Variants in SAMMSON observed in about 807,000 individuals in gnomAD.
The protein encoded by SAMMSON is survival associated mitochondrial melanoma specific oncogenic non-coding RNA.
At chr3:70,153,828 C>T (rs1200656579) in intron 4 of SAMMSON, among the ~76,000 whole-genome samples, 1 of 151,958 alleles carries the variant, frequency 6.6e-6, no homozygotes, top group Non-Finnish European at 1.5e-5. Flanking sequence ...CAAACTGAAA[C>T]GCTGTACCCA....
intron 2 of SAMMSON, among the ~76,000 whole-genome samples, chr3:70,419,593 A>C (rs1701295436): frequency 6.6e-6 from 1 of 152,186 alleles, no homozygotes; most frequent in Admixed American, 6.5e-5. Flanking sequence ...AAATAAAAAC[A>C]GACTCCCAAA....
chr3:70,107,931 C>G (rs922725821), intron 4 of SAMMSON, among the ~76,000 whole-genome samples: 5 of 152,074 alleles, frequency 3.3e-5, no homozygotes, highest in Non-Finnish European at 7.4e-5. Context: ...CCTGGATCAT[C>G]AGTTTCATTC....
chr3:70,387,396 A>G (rs74595277), intron 9 of SAMMSON, among the ~76,000 whole-genome samples: 3,192 of 152,180 alleles, frequency 0.021, 104 homozygotes, highest in East Asian at 0.12. Context: ...AATGCCTGCA[A>G]TGATGGTGTT....
chr3:70,318,412 C>G (rs75924815), intron 7 of SAMMSON, among the ~76,000 whole-genome samples: 9,703 of 151,862 alleles, frequency 0.064, 411 homozygotes, highest in Non-Finnish European at 0.083. Context: ...ATTAAGGCAA[C>G]CTGGCATAGT....
intron 7 of SAMMSON, among the ~76,000 whole-genome samples, chr3:70,320,988 A>G (rs1702534803): frequency 1.3e-5 from 2 of 152,074 alleles, no homozygotes; most frequent in African/African-American, 2.4e-5. Context: ...TAATGAAAGT[A>G]AAGAGCTTGG....
chr3:70,193,590 C>A (rs965253006), intron 4 of SAMMSON, among the ~76,000 whole-genome samples: 4 of 152,258 alleles, frequency 2.6e-5, no homozygotes, highest in Middle Eastern at 3.4e-3. Flanking sequence ...ACACAGCTCA[C>A]CTGACGATAC....
intron 4 of SAMMSON, among the ~76,000 whole-genome samples, chr3:70,203,208 C>T (rs1187697539): frequency 6.6e-6 from 1 of 152,030 alleles, no homozygotes; most frequent in Middle Eastern, 3.2e-3. Flanking sequence ...GATACCAGCC[C>T]CAAGCCAGTA....
intron 4 of SAMMSON, among the ~76,000 whole-genome samples, chr3:70,206,150 A>T (rs148606372): frequency 7.9e-5 from 12 of 152,174 alleles, no homozygotes; most frequent in Non-Finnish European, 1.5e-4. Flanking sequence ...AGATGTAAAC[A>T]TCTTAATTTT....
chr3:70,318,736 A>G (rs930067147), intron 7 of SAMMSON, among the ~76,000 whole-genome samples: 2 of 152,120 alleles, frequency 1.3e-5, no homozygotes, highest in East Asian at 3.9e-4. Flanking sequence ...GAGTCTGGAC[A>G]ATGCTGTGTT....
chr3:70,308,317 A>G (rs765397897), intron 7 of SAMMSON, among the ~76,000 whole-genome samples: 7 of 152,118 alleles, frequency 4.6e-5, no homozygotes, highest in Non-Finnish European at 8.8e-5. Flanking sequence ...ATCTTCTCCA[A>G]AAGTGCTGAG....
At chr3:70,144,965 T>C (rs1466576456) in intron 4 of SAMMSON, among the ~76,000 whole-genome samples, 3 of 152,132 alleles carry the variant, frequency 2.0e-5, no homozygotes, top group Non-Finnish European at 4.4e-5. Context: ...TACTGTCTGC[T>C]TAAATGTCTC....
At chr3:70,342,980 T>G (rs2106729891) in intron 7 of SAMMSON, among the ~76,000 whole-genome samples, 1 of 152,318 alleles carries the variant, frequency 6.6e-6, no homozygotes, top group African/African-American at 2.4e-5. Flanking sequence ...TAAAATGCTC[T>G]GAAGAGTTAC....
At chr3:70,178,584 G>T (rs1701026981) in intron 4 of SAMMSON, among the ~76,000 whole-genome samples, 1 of 152,178 alleles carries the variant, frequency 6.6e-6, no homozygotes, top group Admixed American at 6.5e-5. Context: ...TATGAAGGAG[G>T]CATTTGCTGG....
intron 3 of SAMMSON, among the ~76,000 whole-genome samples, chr3:70,044,720 A>G (rs1227063119): frequency 2.6e-5 from 4 of 151,722 alleles, no homozygotes; most frequent in Admixed American, 6.6e-5. Context: ...TCTTCTAAGC[A>G]ATATTTATTG....
At chr3:70,359,016 G>T (rs578042583) in intron 9 of SAMMSON, among the ~76,000 whole-genome samples, 7 of 152,164 alleles carry the variant, frequency 4.6e-5, no homozygotes, top group Non-Finnish European at 1.0e-4. Context: ...GCTCGCCAAG[G>T]ATAGATTTGT....
At chr3:70,268,843 A>G (rs1701948197) in intron 6 of SAMMSON, among the ~76,000 whole-genome samples, 1 of 152,190 alleles carries the variant, frequency 6.6e-6, no homozygotes, top group South Asian at 2.1e-4. Flanking sequence ...AATATTTTGT[A>G]TCAATAAATT....
Position 70,212,448 on chromosome 3 carries a change from A to G in SAMMSON, n.508-36659A>G, listed in dbSNP as rs76834992. On this transcript the variant is annotated intron_variant and non_coding_transcript_variant, in intron 4 of 9. Coordinates refer to ENST00000642114, the Ensembl canonical transcript of SAMMSON. ...GTCATTTTTCCAGTTCCCTGGGCTT[A>G]AAACTATTATTTGACTGGCCCTGTC... Among the ~76,000 whole-genome samples the G allele has an allele frequency of 1.3e-3, 196 of 152,234 alleles. 6 individuals are homozygous for G. In the East Asian group the frequency reaches 0.036, roughly 28 times the overall value.
chr3:70,335,260 G>A (rs1176824098), intron 7 of SAMMSON, among the ~76,000 whole-genome samples: 1 of 151,864 alleles, frequency 6.6e-6, no homozygotes, highest in Non-Finnish European at 1.5e-5. Flanking sequence ...TTACTATTTC[G>A]TTTCCTTCAC....
intron 9 of SAMMSON, among the ~76,000 whole-genome samples, chr3:70,387,970 T>G (rs1336729077): frequency 8.6e-6 from 1 of 116,188 alleles, no homozygotes; most frequent in Non-Finnish European, 1.8e-5. Flanking sequence ...TTGAGCCTAT[T>G]TTTTTTGGTT....
Sources: gnomAD v4.1 joint callset for allele counts (sites outside exome capture counted in the v4.1 genomes callset) on GRCh38, gnomAD v4.1.1 for gene constraint, MANE v1.5 for transcripts, NCBI Gene and HGNC (gene_info 2026-07-23, HGNC 2026-07-21) for gene names.